CSGALNACT1: variants seen among roughly 807,000 people sequenced by gnomAD.
CSGALNACT1 encodes the protein beta4GalNAcT-1.
In CSGALNACT1, 52 loss-of-function variants were observed where a neutral mutation model predicts 51.0. The ratio of observed to expected loss-of-function variants is 1.02; its 90% CI spans 0.82 to 1.29. The LOEUF is 1.29. Ranked by LOEUF, CSGALNACT1 falls within the 50% of genes most tolerant of loss-of-function variation. The pLI, the probability that CSGALNACT1 is intolerant of heterozygous loss-of-function variation, is 0.00. For missense variants in CSGALNACT1, 935 were observed against 679.2 expected, an observed-to-expected ratio of 1.38 and a Z score of -4.19; for synonymous variants, 341 against 254.4, an observed-to-expected ratio of 1.34 and a Z score of -3.24.
intron 3 of CSGALNACT1, among the ~76,000 whole-genome samples, chr8:19,543,748 A>G (rs1437455497): frequency 6.6e-6 from 1 of 152,162 alleles, no homozygotes; most frequent in Non-Finnish European, 1.5e-5. Flanking sequence ...CCTTGGTGAC[A>G]CTGTATGCAT....
intron 1 of CSGALNACT1, among the ~76,000 whole-genome samples, chr8:19,665,563 C>T (rs186994881): frequency 6.6e-6 from 1 of 152,154 alleles, no homozygotes; most frequent in Non-Finnish European, 1.5e-5. Flanking sequence ...CTCACCATGC[C>T]TTTTCCCAAC....
chr8:19,483,228 C>G lies in CSGALNACT1; in HGVS notation c.634+21973G>C, dbSNP rs553108293. Among the ~76,000 whole-genome samples, 8 of 152,280 alleles carry G rather than the reference C, an allele frequency of 5.3e-5. No individual in the cohort carries two copies. In the South Asian group the frequency reaches 1.7e-3, roughly 32 times the overall value. ...TCCAATACATTCTCAACAGAGCAGA[C>G]AAAGCAATATTTCTAAATATAATTC... On this transcript the variant is annotated intron_variant, in intron 4 of 9. Coordinates refer to ENST00000454498, the Ensembl canonical transcript of CSGALNACT1.
At chr8:19,615,329 T>C (rs1022264718) in intron 1 of CSGALNACT1, among the ~76,000 whole-genome samples, 2 of 152,190 alleles carry the variant, frequency 1.3e-5, no homozygotes, top group South Asian at 4.1e-4. Context: ...AATAACGATT[T>C]CCATCCAAAG....
intron 8 of CSGALNACT1, among the ~76,000 whole-genome samples, chr8:19,414,576 G>C (rs2056505474): frequency 8.3e-6 from 1 of 121,208 alleles, no homozygotes; most frequent in Non-Finnish European, 1.7e-5. Flanking sequence ...GGAAAAAACA[G>C]TAGTCAAAAC....
At chr8:19,634,247 C>T (rs148005113) in intron 1 of CSGALNACT1, among the ~76,000 whole-genome samples, 46 of 152,270 alleles carry the variant, frequency 3.0e-4, no homozygotes, top group African/African-American at 1.0e-3. Context: ...TCCCAAAATT[C>T]CTATGTTGAA....
intron 4 of CSGALNACT1, among the ~76,000 whole-genome samples, chr8:19,504,234 G>T (rs2076908466): frequency 6.6e-6 from 1 of 152,026 alleles, no homozygotes; most frequent in Non-Finnish European, 1.5e-5. Context: ...CCGCCACCAG[G>T]CCCGGCTAAT....
At chr8:19,610,267 G>A (rs1222909379) in intron 1 of CSGALNACT1, among the ~76,000 whole-genome samples, 1 of 137,988 alleles carries the variant, frequency 7.2e-6, no homozygotes, top group Non-Finnish European at 1.5e-5. Flanking sequence ...TCCATCCTGG[G>A]CGACAGAGTA....
At chr8:19,583,940 T>A (rs1413336831) in intron 3 of CSGALNACT1, among the ~76,000 whole-genome samples, 2 of 152,230 alleles carry the variant, frequency 1.3e-5, no homozygotes, top group African/African-American at 2.4e-5. Flanking sequence ...CATCACTCTA[T>A]GCACCCTGCA....
intron 6 of CSGALNACT1, among the ~76,000 whole-genome samples, chr8:19,422,616 G>T (rs2058123796): frequency 6.6e-6 from 1 of 152,214 alleles, no homozygotes; most frequent in Non-Finnish European, 1.5e-5. Context: ...TTTTCTGTGT[G>T]TTGCATTGAA....
At chr8:19,644,629 G>C (rs1219637970) in intron 1 of CSGALNACT1, among the ~76,000 whole-genome samples, 1 of 141,786 alleles carries the variant, frequency 7.1e-6, no homozygotes, top group African/African-American at 2.6e-5. Flanking sequence ...AGAATTGCTT[G>C]AACCCGGGAG....
chr8:19,636,929 A>C (rs775965524), intron 1 of CSGALNACT1, among the ~76,000 whole-genome samples: 17 of 152,128 alleles, frequency 1.1e-4, no homozygotes, highest in Non-Finnish European at 1.5e-5. Context: ...ATGGTGGCTC[A>C]AGCTTGTAAT....
chr8:19,725,672 C>T (rs1315513332), intron 1 of CSGALNACT1, among the ~76,000 whole-genome samples: 1 of 152,066 alleles, frequency 6.6e-6, no homozygotes, highest in Non-Finnish European at 1.5e-5. Context: ...ATCCACATGA[C>T]TCAGCCTCCC....
chr8:19,721,773 C>G (rs1346426786), intron 1 of CSGALNACT1, among the ~76,000 whole-genome samples: 1 of 152,180 alleles, frequency 6.6e-6, no homozygotes, highest in Non-Finnish European at 1.5e-5. Context: ...TAATGAACTG[C>G]ACGATATATG....
upstream of CSGALNACT1, among the ~76,000 whole-genome samples, chr8:19,604,688 A>G (rs191756241): frequency 3.7e-3 from 560 of 151,424 alleles, 6 homozygotes; most frequent in Non-Finnish European, 5.8e-3. Context: ...CGGGCAGATC[A>G]CAATGTCAGG....
At chr8:19,547,712 A>G (rs1358437360) in intron 3 of CSGALNACT1, among the ~76,000 whole-genome samples, 1 of 152,242 alleles carries the variant, frequency 6.6e-6, no homozygotes. Context: ...GAATACAATA[A>G]AGTATACTCT....
intron 3 of CSGALNACT1, among the ~76,000 whole-genome samples, chr8:19,551,423 C>T (rs1041284208): frequency 2.0e-5 from 3 of 152,100 alleles, no homozygotes; most frequent in African/African-American, 4.8e-5. Context: ...TGTGCAGACC[C>T]GAAACTCCAC....
intron 1 of CSGALNACT1, among the ~76,000 whole-genome samples, chr8:19,671,071 G>A (rs1181589287): frequency 6.6e-6 from 1 of 152,176 alleles, no homozygotes; most frequent in African/African-American, 2.4e-5. Flanking sequence ...AGCCAGACTT[G>A]GAGATGGTTA....
rs184405385 is a variant in CSGALNACT1, at chr8:19,500,047, T to G, written c.634+5154A>C. Among the ~76,000 whole-genome samples the G allele has an allele frequency of 3.9e-5, 6 of 152,316 alleles. No individual in the cohort carries two copies. In the East Asian group the frequency reaches 1.2e-3, roughly 29 times the overall value. ...AATGAAAAGCATTTATCCTTCCTTATAGGGACTTAAAGCATCAGCAAACGC... is the reference window on the plus strand; with the variant it reads ...AATGAAAAGCATTTATCCTTCCTTAGAGGGACTTAAAGCATCAGCAAACGC... On this transcript the variant is annotated intron_variant, in intron 4 of 9. Transcript: ENST00000454498.
At chr8:19,552,897 A>T (rs2088568749) in intron 3 of CSGALNACT1, among the ~76,000 whole-genome samples, 1 of 152,210 alleles carries the variant, frequency 6.6e-6, no homozygotes, top group South Asian at 2.1e-4. Context: ...TAAGAACAGG[A>T]GAGTGGCTGA....
Sources: allele counts gnomAD v4.1 joint callset (sites outside exome capture counted in the v4.1 genomes callset), GRCh38; gene constraint gnomAD v4.1.1; transcripts MANE v1.5; gene names NCBI Gene and HGNC (gene_info 2026-07-23, HGNC 2026-07-21).